The following FAM114A1 variants were observed in gnomAD, a reference collection of about 807,000 sequenced individuals.
FAM114A1 encodes the protein protein NOXP20.
A neutral mutation model predicts 64.3 loss-of-function variants in FAM114A1; 62 were observed. The ratio of observed to expected loss-of-function variants is 0.96; its 90% CI spans 0.79 to 1.19. FAM114A1 has a LOEUF of 1.19. Ranked by LOEUF, FAM114A1 falls within the 50% of genes most tolerant of loss-of-function variation. The probability of loss-of-function intolerance (pLI) is 0.00; values close to 1 mark genes in which losing one functional copy is unlikely to be tolerated. For synonymous variants in FAM114A1, 254 were observed against 251.1 expected (o/e 1.01, Z -0.11); for missense variants, 645 against 676.3 (o/e 0.95, Z 0.51).
chr4:38,901,113 A>G (rs1246435898), intron 4 of FAM114A1, among the ~76,000 whole-genome samples: 1 of 152,190 alleles, frequency 6.6e-6, no homozygotes, highest in Non-Finnish European at 1.5e-5. Flanking sequence ...AAACAAGCTA[A>G]AAGGGAGAAA....
At chr4:38,940,718 G>T (rs546249764) in intron 13 of FAM114A1, among the ~76,000 whole-genome samples, 1 of 152,252 alleles carries the variant, frequency 6.6e-6, no homozygotes, top group South Asian at 2.1e-4. Flanking sequence ...CAACCTTTCT[G>T]ATCCCTATTC....
chr4:38,902,027 G>C (rs76363312), intron 4 of FAM114A1, among the ~76,000 whole-genome samples: 1 of 152,074 alleles, frequency 6.6e-6, no homozygotes, highest in African/African-American at 2.4e-5. Flanking sequence ...TACAGAAATG[G>C]GATTAAAATG....
chr4:38,873,691 A>G (rs547446362), intron 2 of FAM114A1, among the ~76,000 whole-genome samples: 36 of 152,282 alleles, frequency 2.4e-4, no homozygotes, highest in African/African-American at 8.2e-4. Context: ...CAACATATGG[A>G]ACTAACAGCC....
At chr4:38,935,144 T>C (rs532665422) in intron 12 of FAM114A1, among the ~76,000 whole-genome samples, 2 of 152,280 alleles carry the variant, frequency 1.3e-5, no homozygotes, top group South Asian at 4.1e-4. Flanking sequence ...CTTGAACTCC[T>C]GACCTCCGGT....
At chr4:38,895,182 G>A (rs1205461621) in intron 4 of FAM114A1, among the ~76,000 whole-genome samples, 1 of 152,182 alleles carries the variant, frequency 6.6e-6, no homozygotes, top group African/African-American at 2.4e-5. Context: ...CAGCTGCTCA[G>A]CTGGCACCTC....
chr4:38,910,965 A>G (rs1718476122), intron 7 of FAM114A1, among the ~76,000 whole-genome samples: 1 of 152,186 alleles, frequency 6.6e-6, no homozygotes, highest in African/African-American at 2.4e-5. Context: ...AAAAGAAGTG[A>G]CAGAATCTGA....
intron 7 of FAM114A1, among the ~76,000 whole-genome samples, chr4:38,911,213 G>T (rs145360416): frequency 9.2e-5 from 14 of 152,342 alleles, no homozygotes; most frequent in African/African-American, 3.4e-4. Context: ...CCCCAGTGAA[G>T]AGAAGAGGGT....
At chr4:38,914,862 C>G in intron 7 of FAM114A1, 59 bp from the exon 8 acceptor site, 1 of 1,571,740 alleles carries the variant, frequency 6.4e-7, no homozygotes, top group African/African-American at 1.3e-5. Flanking sequence ...CCATGTCTTA[C>G]ACAGGAAACG....
At chr4:38,931,735 G>A in intron 11 of FAM114A1, 123 bp downstream of exon 11, 1 of 1,027,040 alleles carries the variant, frequency 9.7e-7, no homozygotes, top group Non-Finnish European at 1.4e-6. Context: ...AGAAATATAA[G>A]TTTGAGACCA....
intron 10 of FAM114A1, among the ~76,000 whole-genome samples, chr4:38,929,645 C>T (rs569612932): frequency 2.6e-5 from 4 of 152,300 alleles, no homozygotes; most frequent in East Asian, 3.9e-4. Flanking sequence ...AGTGCGGTGG[C>T]GCATGCCTGT....
At chr4:38,923,665 C>T (rs1719844125) in intron 9 of FAM114A1, among the ~76,000 whole-genome samples, 1 of 152,070 alleles carries the variant, frequency 6.6e-6, no homozygotes, top group South Asian at 2.1e-4. Flanking sequence ...GGTATATTTG[C>T]AGGTGTCCTA....
chr4:38,898,986 AATATATGTTATATATG>A (rs1717235072), intron 4 of FAM114A1, among the ~76,000 whole-genome samples: 1 of 107,472 alleles, frequency 9.3e-6, no homozygotes, highest in Non-Finnish European at 2.3e-5. Flanking sequence ...TTATATATGT[AATATATGTTATATATG>A]TAGTATAAGT....
At chr4:38,884,399 G>A (rs78344394) in intron 3 of FAM114A1, among the ~76,000 whole-genome samples, 2,200 of 152,360 alleles carry the variant, frequency 0.014, 66 homozygotes, top group African/African-American at 0.05. Flanking sequence ...CACCTATGTG[G>A]TTATTTCAGT....
chr4:38,937,867 TG>T (rs1028238315), intron 13 of FAM114A1, among the ~76,000 whole-genome samples: 2 of 152,048 alleles, frequency 1.3e-5, no homozygotes, highest in Non-Finnish European at 2.9e-5. Flanking sequence ...CCTGAGTAGC[TG>T]GGATTACAGG....
At chr4:38,905,414 AAG>A in intron 4 of FAM114A1, 106 bp from the exon 5 acceptor site, 3 of 832,362 alleles carry the variant, frequency 3.6e-6, no homozygotes, top group Admixed American at 2.5e-5. Flanking sequence ...AAAAAAAAAA[AAG>A]AAAGATGTAC....
chr4:38,870,598 C>T (rs1402932773), intron 2 of FAM114A1, among the ~76,000 whole-genome samples: 1 of 152,168 alleles, frequency 6.6e-6, no homozygotes, highest in African/African-American at 2.4e-5. Flanking sequence ...GCCACCCTTC[C>T]TCTCCTTAGA....
Position 38,931,497 on chromosome 4 carries a change from T to C in FAM114A1, c.1208T>C (p.Val403Ala), listed in dbSNP as rs572836379. The change falls in exon 11 of 15, where the codon GTG (valine) becomes GCG (alanine). Residue 403 changes from valine to alanine, a missense_variant. Coordinates refer to ENST00000358869, the MANE Select transcript of FAM114A1 (RefSeq NM_138389.4). ...HDWVEEDQTV[V>A]SVDVAKVSEE... ...TGGGTGGAAGAGGATCAAACCGTGG[T>C]GTCAGTAGATGTGGCAAAAGTGTCC... The C allele has an allele frequency of 6.2e-7, 1 of 1,614,018 alleles. No homozygotes were observed. The highest frequency in any genetic ancestry group is 1.1e-5 in the South Asian group (1 of 91,066).
rs542019273 is a variant in FAM114A1, at chr4:38,890,111, A to G, written c.349-1632A>G. Among the ~76,000 whole-genome samples the G allele has an allele frequency of 2.0e-5, 3 of 152,298 alleles. No homozygotes were observed. The South Asian group carries it at 6.2e-4, about 32-fold the overall frequency. On this transcript the variant is annotated intron_variant, in intron 3 of 14. Coordinates refer to ENST00000358869, the MANE Select transcript of FAM114A1 (RefSeq NM_138389.4). ...GGCCATCCTTATCTGCAAGGGTAGA[A>G]AATAACAAGGGAGGCTGGGCATGGT...
chr4:38,874,620 A>G (rs986467126), intron 2 of FAM114A1, among the ~76,000 whole-genome samples: 4 of 151,972 alleles, frequency 2.6e-5, no homozygotes, highest in Non-Finnish European at 5.9e-5. Context: ...TAAGTTGTCT[A>G]TTTATTCTGT....
Sources: gnomAD v4.1 joint callset for allele counts (sites outside exome capture counted in the v4.1 genomes callset) on GRCh38, gnomAD v4.1.1 for gene constraint, MANE v1.5 for transcripts, NCBI Gene and HGNC (gene_info 2026-07-23, HGNC 2026-07-21) for gene names.